Variants in SGCZ observed in about 807,000 individuals in gnomAD.
The protein encoded by SGCZ is sarcoglycan zeta, also known as zeta-sarcoglycan.
In SGCZ, 40 loss-of-function variants were observed where a neutral mutation model predicts 41.3. That is an observed-to-expected ratio of 0.97 (90% confidence interval 0.75 to 1.26). The LOEUF (loss-of-function observed/expected upper bound fraction) is 1.26, where lower values mean the gene tolerates loss of function less well. Among genes scored for constraint, SGCZ ranks in the 50% most tolerant of loss-of-function variants. The pLI, the probability that SGCZ is intolerant of heterozygous loss-of-function variation, is 0.00. For synonymous variants in SGCZ, 206 were observed against 137.5 expected (o/e 1.50, Z -3.49); for missense variants, 552 against 369.8 (o/e 1.49, Z -4.04).
intron 2 of SGCZ, among the ~76,000 whole-genome samples, chr8:14,524,374 A>G (rs1040493548): frequency 1.6e-4 from 25 of 152,000 alleles, no homozygotes; most frequent in Non-Finnish European, 2.9e-4. Context: ...CTACGTCCAC[A>G]CTAGGCTAGG....
intron 1 of SGCZ, among the ~76,000 whole-genome samples, chr8:14,757,662 G>C (rs1350198643): frequency 6.6e-6 from 1 of 152,168 alleles, no homozygotes; most frequent in African/African-American, 2.4e-5. Context: ...AACTCTTTCG[G>C]TTTCACAGCA....
At chr8:14,398,838 G>C (rs967399534) in intron 2 of SGCZ, among the ~76,000 whole-genome samples, 1 of 152,078 alleles carries the variant, frequency 6.6e-6, no homozygotes, top group Non-Finnish European at 1.5e-5. Flanking sequence ...GCTTTGAGGT[G>C]ATTATTTAGC....
At chr8:14,619,991 A>C (rs1287195032) in intron 1 of SGCZ, among the ~76,000 whole-genome samples, 2 of 152,204 alleles carry the variant, frequency 1.3e-5, no homozygotes, top group Non-Finnish European at 2.9e-5. Flanking sequence ...AGACAATCCT[A>C]AGCCAAAAGA....
At chr8:14,188,833 TGTTTG>T (rs776388705) in intron 4 of SGCZ, among the ~76,000 whole-genome samples, 9 of 132,074 alleles carry the variant, frequency 6.8e-5, no homozygotes, top group Admixed American at 1.5e-4. Flanking sequence ...TGTTTTTTTT[TGTTTG>T]TTTGTTTTTT....
At chr8:14,150,938 C>G (rs1297894135) in intron 5 of SGCZ, among the ~76,000 whole-genome samples, 1 of 152,112 alleles carries the variant, frequency 6.6e-6, no homozygotes, top group Non-Finnish European at 1.5e-5. Context: ...AGACAAACAT[C>G]ACATGTTCTC....
chr8:14,704,840 A>G (rs2117608588), intron 1 of SGCZ, among the ~76,000 whole-genome samples: 1 of 152,146 alleles, frequency 6.6e-6, no homozygotes, highest in African/African-American at 2.4e-5. Flanking sequence ...GGATAAACTA[A>G]ATACTGGGCA....
chr8:15,209,390 T>G (rs139553522), intron 1 of SGCZ, among the ~76,000 whole-genome samples: 31 of 93,178 alleles, frequency 3.3e-4, no homozygotes, highest in African/African-American at 9.4e-4. Flanking sequence ...CATGCTCAAT[T>G]TTCACATTTT....
chr8:14,725,813 T>C (rs1810029551), intron 1 of SGCZ, among the ~76,000 whole-genome samples: 1 of 152,116 alleles, frequency 6.6e-6, no homozygotes, highest in Admixed American at 6.5e-5. Flanking sequence ...ATACAAAAGA[T>C]TTAGACTTTA....
At chr8:14,542,231 C>G (rs1335607801) in intron 2 of SGCZ, among the ~76,000 whole-genome samples, 1 of 152,022 alleles carries the variant, frequency 6.6e-6, no homozygotes, top group Non-Finnish European at 1.5e-5. Context: ...AATGGTATTG[C>G]CTAGGTTGTC....
chr8:14,629,210 G>C (rs1806563417), intron 1 of SGCZ, among the ~76,000 whole-genome samples: 5 of 152,034 alleles, frequency 3.3e-5, no homozygotes, highest in Admixed American at 3.3e-4. Flanking sequence ...CCAATACTTT[G>C]ATTACTTCAC....
chr8:14,802,470 G>T (rs1017571550), intron 1 of SGCZ, among the ~76,000 whole-genome samples: 1 of 152,000 alleles, frequency 6.6e-6, no homozygotes, highest in East Asian at 1.9e-4. Context: ...CCCCATTCAG[G>T]GGATACTCCC....
At chr8:14,400,264 T>G (rs976559438) in intron 2 of SGCZ, among the ~76,000 whole-genome samples, 5 of 152,114 alleles carry the variant, frequency 3.3e-5, no homozygotes, top group East Asian at 1.9e-4. Flanking sequence ...CATTCATCAG[T>G]TGACATTTTA....
intron 1 of SGCZ, among the ~76,000 whole-genome samples, chr8:14,792,742 C>G (rs530477341): frequency 2.0e-4 from 31 of 152,120 alleles, no homozygotes; most frequent in African/African-American, 7.0e-4. Flanking sequence ...TCTCTTTAAG[C>G]ACCTAAAGGT....
intron 3 of SGCZ, among the ~76,000 whole-genome samples, chr8:14,240,192 G>C (rs1382358202): frequency 2.0e-5 from 3 of 151,480 alleles, no homozygotes; most frequent in Admixed American, 6.6e-5. Context: ...GCCAGGCATG[G>C]TGGTGGGCTC....
chr8:14,983,573 A>T (rs1801739317), intron 1 of SGCZ, among the ~76,000 whole-genome samples: 1 of 151,940 alleles, frequency 6.6e-6, no homozygotes, highest in Admixed American at 6.6e-5. Flanking sequence ...TCACACTCCC[A>T]GCCTCAAACG....
At chr8:14,935,955 A>G (rs1036581281) in intron 1 of SGCZ, among the ~76,000 whole-genome samples, 19 of 151,958 alleles carry the variant, frequency 1.3e-4, no homozygotes, top group African/African-American at 4.3e-4. Context: ...AAAATAATTT[A>G]AAACAAAAAT....
chr8:14,595,105 G>C, intron 1 of SGCZ, among the ~76,000 whole-genome samples: 1 of 150,080 alleles, frequency 6.7e-6, no homozygotes, highest in Admixed American at 6.6e-5. Flanking sequence ...CCTCAAAATT[G>C]TATTAACATC....
chr8:14,595,764 C>T (rs1163682032), intron 1 of SGCZ, among the ~76,000 whole-genome samples: 1 of 152,170 alleles, frequency 6.6e-6, no homozygotes, highest in Non-Finnish European at 1.5e-5. Flanking sequence ...TCCATAATAG[C>T]TTACAGGGAA....
intron 3 of SGCZ, among the ~76,000 whole-genome samples, chr8:14,270,298 C>G (rs1800015176): frequency 6.6e-6 from 1 of 152,038 alleles, no homozygotes; most frequent in Non-Finnish European, 1.5e-5. Flanking sequence ...TGCCACTGCA[C>G]TCCTGCCTGG....
Sources: gnomAD v4.1 joint callset for allele counts (sites outside exome capture counted in the v4.1 genomes callset) on GRCh38, gnomAD v4.1.1 for gene constraint, MANE v1.5 for transcripts, NCBI Gene and HGNC (gene_info 2026-07-23, HGNC 2026-07-21) for gene names.